The following PLCH1 variants were observed in gnomAD, a reference collection of about 807,000 sequenced individuals.
PLCH1 encodes 1-phosphatidylinositol 4,5-bisphosphate phosphodiesterase eta-1.
Under a neutral mutation model 126.7 loss-of-function variants are expected in PLCH1, and 60 were observed. The ratio of observed to expected loss-of-function variants is 0.47; its 90% confidence interval spans 0.38 to 0.59. PLCH1 has a LOEUF of 0.59. Among genes scored for constraint, PLCH1 ranks in the 20% least tolerant of loss-of-function variants. The pLI, the probability that PLCH1 is intolerant of heterozygous loss-of-function variation, is 0.00. For missense variants in PLCH1, 1,723 were observed against 2,040.0 expected (o/e 0.84, Z 2.99); for synonymous variants, 719 against 734.9 (o/e 0.98, Z 0.35).
At chr3:155,713,002 A>T (rs1747257068) in intron 1 of PLCH1, among the ~76,000 whole-genome samples, 1 of 151,236 alleles carries the variant, frequency 6.6e-6, no homozygotes, top group African/African-American at 2.4e-5. Context: ...TTTAAAAAAA[A>T]AAAAGCCCTT....
At chr3:155,721,313 A>G (rs1747928697) in intron 1 of PLCH1, among the ~76,000 whole-genome samples, 1 of 152,068 alleles carries the variant, frequency 6.6e-6, no homozygotes, top group African/African-American at 2.4e-5. Flanking sequence ...CAGTATGGTC[A>G]TTTTCACAGT....
At chr3:155,496,900 T>C (rs1170318935) in intron 15 of PLCH1, among the ~76,000 whole-genome samples, 1 of 152,204 alleles carries the variant, frequency 6.6e-6, no homozygotes, top group African/African-American at 2.4e-5. Flanking sequence ...AAAACTTTCA[T>C]TGAGAAAATA....
chr3:155,733,929 GTATACATA>G (rs1748952316), intron 1 of PLCH1, among the ~76,000 whole-genome samples: 1 of 61,940 alleles, frequency 1.6e-5, no homozygotes, highest in African/African-American at 5.6e-5. Context: ...TGGCCAACAG[GTATACATA>G]TATATATATA....
intron 2 of PLCH1, among the ~76,000 whole-genome samples, chr3:155,683,810 G>A (rs1744717410): frequency 6.6e-6 from 1 of 152,142 alleles, no homozygotes; most frequent in Non-Finnish European, 1.5e-5. Context: ...AACTTACTTA[G>A]TCATATATTC....
chr3:155,674,870 T>C (rs1403224962), intron 2 of PLCH1, among the ~76,000 whole-genome samples: 1 of 152,198 alleles, frequency 6.6e-6, no homozygotes, highest in Non-Finnish European at 1.5e-5. Flanking sequence ...ACTTCCATAA[T>C]GTGTAAAGCA....
chr3:155,688,261 A>T (rs1437588067), intron 2 of PLCH1, among the ~76,000 whole-genome samples: 1 of 152,232 alleles, frequency 6.6e-6, no homozygotes. Flanking sequence ...AATTCCTTTT[A>T]TGTCACAATA....
chr3:155,538,117 A>G (rs891345363), intron 10 of PLCH1, among the ~76,000 whole-genome samples: 5 of 152,190 alleles, frequency 3.3e-5, no homozygotes, highest in African/African-American at 1.2e-4. Context: ...GTGCAAATAC[A>G]TATAAATTAA....
chr3:155,698,455 C>A (rs554539428), intron 2 of PLCH1, among the ~76,000 whole-genome samples: 1 of 152,074 alleles, frequency 6.6e-6, no homozygotes, highest in African/African-American at 2.4e-5. Flanking sequence ...TTTTGTAAGG[C>A]CTGAATGGAT....
chr3:155,472,893 A>C (rs1402539520), intron 21 of PLCH1, among the ~76,000 whole-genome samples: 1 of 151,504 alleles, frequency 6.6e-6, no homozygotes, highest in Non-Finnish European at 1.5e-5. Flanking sequence ...TCATACTAAA[A>C]ACTCTCAATA....
At position 155,458,490 on chromosome 3, in the gene PLCH1, GA is replaced by G. The variant is rs1323957215; in HGVS notation, c.2938+26865del. Among the ~76,000 whole-genome samples the G allele has an allele frequency of 7.5e-5, 7 of 93,740 alleles. No homozygotes were observed. In the African/African-American group the frequency reaches 7.6e-4, roughly 10 times the overall value. The allele number at this position is 93,740 out of a possible 152,430, so 61.5% of individuals were successfully genotyped here. Reference sequence around the variant, plus strand: ...AGAAAGAAAGAAAGAAAGAAAGAAAGAAAGAAAGAGAAAGAAGAGAGAGAAA... The same window carrying G: ...AGAAAGAAAGAAAGAAAGAAAGAAAGAAGAAAGAGAAAGAAGAGAGAGAAA... On this transcript the variant is annotated intron_variant, in intron 21 of 21. Transcript: ENST00000494598.
intron 1 of PLCH1, among the ~76,000 whole-genome samples, chr3:155,709,932 A>T (rs999077140): frequency 6.6e-6 from 1 of 151,948 alleles, no homozygotes; most frequent in Non-Finnish European, 1.5e-5. Flanking sequence ...TAAAAATTTT[A>T]ATCAGGTTGT....
intron 21 of PLCH1, among the ~76,000 whole-genome samples, chr3:155,464,981 T>G (rs1463184317): frequency 1.3e-5 from 2 of 151,930 alleles, no homozygotes; most frequent in Non-Finnish European, 2.9e-5. Flanking sequence ...TGGCAGCGTG[T>G]GCCTGTAGTC....
intron 1 of PLCH1, among the ~76,000 whole-genome samples, chr3:155,732,640 A>G (rs549880658): frequency 5.3e-5 from 8 of 152,140 alleles, no homozygotes; most frequent in African/African-American, 1.9e-4. Flanking sequence ...CACTTTGGGA[A>G]GCTGAGGCAG....
At chr3:155,511,864 T>C (rs373323178) in intron 12 of PLCH1, among the ~76,000 whole-genome samples, 77 of 151,900 alleles carry the variant, frequency 5.1e-4, no homozygotes, top group African/African-American at 6.5e-4. Context: ...CCTCCTTGAG[T>C]TGTGGTGGGC....
intron 2 of PLCH1, among the ~76,000 whole-genome samples, chr3:155,598,757 C>A (rs764600872): frequency 7.9e-5 from 12 of 152,100 alleles, no homozygotes; most frequent in Non-Finnish European, 1.3e-4. Context: ...TTATCTACTT[C>A]CTGAATTGAA....
At position 155,593,990 on chromosome 3, in the gene PLCH1, C is replaced by T. The variant is rs1732556663; in HGVS notation, c.421G>A (p.Gly141Ser). 1 of 1,613,940 alleles carries T rather than the reference C, an allele frequency of 6.2e-7. No individual in the cohort carries two copies. Among genetic ancestry groups the T allele is most frequent in the African/African-American group, 1.3e-5 (1 of 74,938 alleles). ...GCAAGGGAGTCTTCATCACTGATGCCAGCCATCAGGTACTTGAGGCCTGTG... is the reference window on the plus strand; with the variant it reads ...GCAAGGGAGTCTTCATCACTGATGCTAGCCATCAGGTACTTGAGGCCTGTG... Reference protein sequence around the residue: ...WITGLKYLMAGISDEDSLAKR... With the variant: ...WITGLKYLMASISDEDSLAKR... Residue 141 changes from glycine (G) to serine (S), a missense_variant, in exon 4 of 23, where the codon GGC (glycine) becomes AGC (serine). Around this residue, in one of 2 missense-constraint regions of PLCH1, gnomAD observed 776 missense variants for 1,062.9 expected, o/e 0.73. Coordinates refer to ENST00000460012, the MANE Select transcript of PLCH1 (RefSeq NM_014996.4).
intron 1 of PLCH1, among the ~76,000 whole-genome samples, 197 bp downstream of exon 1, chr3:155,744,643 G>A (rs1466544281): frequency 2.0e-5 from 3 of 152,096 alleles, no homozygotes; most frequent in Non-Finnish European, 2.9e-5. Context: ...GAGCGGCCGT[G>A]GCCAGTTCCC....
At chr3:155,666,337 A>G (rs1410535934) in intron 2 of PLCH1, among the ~76,000 whole-genome samples, 1 of 152,212 alleles carries the variant, frequency 6.6e-6, no homozygotes, top group African/African-American at 2.4e-5. Context: ...CTGGTAAGGC[A>G]AAAACATATA....
chr3:155,547,085 C>T (rs1725410258), intron 10 of PLCH1, among the ~76,000 whole-genome samples: 1 of 146,850 alleles, frequency 6.8e-6, no homozygotes, highest in African/African-American at 2.5e-5. Flanking sequence ...AAGAAACTAC[C>T]ATCAGAGTGA....
Sources: gnomAD v4.1 joint callset for allele counts (sites outside exome capture counted in the v4.1 genomes callset) on GRCh38, gnomAD v4.1.1 for gene constraint, gnomAD v4.1.1 regional missense constraint, MANE v1.5 for transcripts, NCBI Gene and HGNC (gene_info 2026-07-23, HGNC 2026-07-21) for gene names.